ERBIN: variants seen among roughly 807,000 people sequenced by gnomAD.
ERBIN encodes the protein erbb2 interacting protein.
Under a neutral mutation model 158.4 loss-of-function variants are expected in ERBIN, and 60 were observed. The ratio of observed to expected loss-of-function variants is 0.38; its 90% CI spans 0.31 to 0.47. The LOEUF (loss-of-function observed/expected upper bound fraction) is 0.47. ERBIN is among the 20% of genes least tolerant of loss of function. The probability of loss-of-function intolerance (pLI) is 0.99; values close to 1 mark genes in which losing one functional copy is unlikely to be tolerated. For missense variants in ERBIN, 1,610 were observed against 1,648.0 expected (o/e 0.98, Z 0.40); for synonymous variants, 594 against 557.2 (o/e 1.07, Z -0.93).
At chr5:65,940,993 G>A (rs1189625852) in intron 1 of ERBIN, among the ~76,000 whole-genome samples, 2 of 152,116 alleles carry the variant, frequency 1.3e-5, no homozygotes, top group Non-Finnish European at 2.9e-5. Flanking sequence ...TCTGCCTTGT[G>A]ATCCTGTTGA....
chr5:65,966,471 GGAA>G (rs1334396952), intron 1 of ERBIN, among the ~76,000 whole-genome samples: 1 of 151,918 alleles, frequency 6.6e-6, no homozygotes, highest in Non-Finnish European at 1.5e-5. Context: ...ACCTGTGGTC[GGAA>G]GATTGAGATC....
intron 10 of ERBIN, among the ~76,000 whole-genome samples, chr5:66,024,704 A>C (rs1176039404): frequency 6.6e-6 from 1 of 152,020 alleles, no homozygotes; most frequent in Non-Finnish European, 1.5e-5. Flanking sequence ...ACTTATGCAA[A>C]TTTGGCTTAA....
At chr5:65,995,462 T>A (rs1349189551) in intron 4 of ERBIN, among the ~76,000 whole-genome samples, 1 of 152,164 alleles carries the variant, frequency 6.6e-6, no homozygotes, top group Non-Finnish European at 1.5e-5. Context: ...AACAGGGTTT[T>A]CTTCTTTTTA....
At chr5:65,974,371 G>A (rs971649894) in intron 1 of ERBIN, among the ~76,000 whole-genome samples, 3 of 152,218 alleles carry the variant, frequency 2.0e-5, no homozygotes, top group Non-Finnish European at 4.4e-5. Flanking sequence ...TAGAAAGCAA[G>A]CATAGGTTGG....
intron 17 of ERBIN, among the ~76,000 whole-genome samples, chr5:66,045,710 G>C (rs1758371980): frequency 1.3e-5 from 2 of 152,170 alleles, no homozygotes; most frequent in African/African-American, 4.8e-5. Flanking sequence ...TCTGGCTATA[G>C]AATGTCCAAT....
At chr5:65,930,688 GGTT>G (rs1222438235) in intron 1 of ERBIN, among the ~76,000 whole-genome samples, 1 of 152,038 alleles carries the variant, frequency 6.6e-6, no homozygotes, top group East Asian at 1.9e-4. Flanking sequence ...GATAATACCA[GGTT>G]GTTATTTATT....
intron 1 of ERBIN, among the ~76,000 whole-genome samples, chr5:65,942,272 C>G (rs180741961): frequency 1.3e-5 from 2 of 152,244 alleles, no homozygotes; most frequent in African/African-American, 4.8e-5. Context: ...AAAAAGAAAT[C>G]CAAGTTTCCT....
chr5:66,060,368 G>T (rs1760139255), intron 21 of ERBIN, among the ~76,000 whole-genome samples: 1 of 152,194 alleles, frequency 6.6e-6, no homozygotes, highest in African/African-American at 2.4e-5. Flanking sequence ...TTGTATTTCT[G>T]TGGGATTGGT....
At chr5:66,040,864 A>G (rs548430631) in intron 15 of ERBIN, among the ~76,000 whole-genome samples, 1 of 151,958 alleles carries the variant, frequency 6.6e-6, no homozygotes, top group African/African-American at 2.4e-5. Context: ...AAGAGGAAAA[A>G]AAGAAAGATT....
intron 1 of ERBIN, among the ~76,000 whole-genome samples, chr5:65,946,232 T>C (rs796123452): frequency 1.3e-5 from 2 of 152,028 alleles, no homozygotes; most frequent in African/African-American, 4.8e-5. Context: ...GGTGTGGTGG[T>C]GTGTGCCTGT....
At chr5:65,993,269 G>A (rs1752073412) in intron 3 of ERBIN, among the ~76,000 whole-genome samples, 1 of 152,108 alleles carries the variant, frequency 6.6e-6, no homozygotes, top group Admixed American at 6.6e-5. Context: ...ACATTAATGT[G>A]TATTGTTATA....
intron 1 of ERBIN, among the ~76,000 whole-genome samples, chr5:65,980,429 A>G (rs182805324): frequency 1.2e-4 from 19 of 152,258 alleles, no homozygotes; most frequent in African/African-American, 4.6e-4. Context: ...CTCCGTCTCA[A>G]AAAAAACAAA....
chr5:66,035,965 T>C (rs1024198885), intron 14 of ERBIN, among the ~76,000 whole-genome samples: 2 of 152,068 alleles, frequency 1.3e-5, no homozygotes, highest in African/African-American at 4.8e-5. Context: ...GGCACATACC[T>C]GTAGTACCAG....
At chr5:65,977,801 C>T (rs1274388813) in intron 1 of ERBIN, among the ~76,000 whole-genome samples, 1 of 152,210 alleles carries the variant, frequency 6.6e-6, no homozygotes, top group Non-Finnish European at 1.5e-5. Flanking sequence ...GAGGCCAAGG[C>T]AGGCGGCTGG....
At position 66,025,528 on chromosome 5, in the gene ERBIN, T is replaced by A. The variant is rs1756147055; in HGVS notation, c.866T>A (p.Met289Lys). 3.1e-6 allele frequency: 5 copies of A among 1,612,418 alleles called. No individual in the cohort carries two copies. Among genetic ancestry groups the A allele is most frequent in the Non-Finnish European group, 4.2e-6 (5 of 1,178,842 alleles). Residue 289 changes from methionine to lysine, a missense_variant, in exon 11 of 26, where the codon ATG becomes AAG. Met to Lys is a moderately conservative substitution (Grantham distance 95). Transcript: ENST00000284037. ...TTLKIDENQLMYLPDSIGGLI... is the reference protein window; with the variant it reads ...TTLKIDENQLKYLPDSIGGLI... ...CTTAAAATAGATGAAAACCAGTTAA[T>A]GTATCTGCCAGACTCTATAGGAGGG...
chr5:65,980,078 A>G (rs1484160831), intron 1 of ERBIN, among the ~76,000 whole-genome samples: 2 of 152,218 alleles, frequency 1.3e-5, no homozygotes, highest in South Asian at 4.1e-4. Context: ...GTAAAAGGAA[A>G]ACTTTATTAG....
chr5:65,995,035 T>G (rs1164642626), intron 4 of ERBIN, among the ~76,000 whole-genome samples, 171 bp downstream of exon 4: 3 of 152,246 alleles, frequency 2.0e-5, no homozygotes, highest in Non-Finnish European at 4.4e-5. Context: ...TTTACAAGTT[T>G]TGCCACCTGT....
At chr5:66,046,138 T>A (rs1758417545) in intron 17 of ERBIN, among the ~76,000 whole-genome samples, 4 of 152,208 alleles carry the variant, frequency 2.6e-5, no homozygotes. Context: ...GGCTAACTTT[T>A]AAATTTTAAT....
chr5:66,038,885 C>T (rs1757663047), intron 15 of ERBIN, among the ~76,000 whole-genome samples: 1 of 152,012 alleles, frequency 6.6e-6, no homozygotes, highest in African/African-American at 2.4e-5. Flanking sequence ...ATAAATACTA[C>T]TCTTAAATTC....
Sources: gnomAD v4.1 joint callset for allele counts (sites outside exome capture counted in the v4.1 genomes callset) on GRCh38, gnomAD v4.1.1 for gene constraint, MANE v1.5 for transcripts, NCBI Gene and HGNC (gene_info 2026-07-23, HGNC 2026-07-21) for gene names.